DOCK8: variants seen among roughly 807,000 people sequenced by gnomAD.
The protein encoded by DOCK8 is dedicator of cytokinesis 8.
A neutral mutation model predicts 245.6 loss-of-function variants in DOCK8; 141 were observed. The ratio of observed to expected loss-of-function variants is 0.57; its 90% CI spans 0.50 to 0.66. The LOEUF is 0.66. Ranked by LOEUF, DOCK8 falls within the 30% of genes least tolerant of loss-of-function variation. DOCK8 has a pLI of 0.00. For synonymous variants in DOCK8, 1,168 were observed against 970.2 expected (o/e 1.20, Z -3.79); for missense variants, 2,965 against 2,603.4 (o/e 1.14, Z -3.02).
chr9:383,165 C>A (rs973860254), intron 22 of DOCK8, among the ~76,000 whole-genome samples: 1 of 151,554 alleles, frequency 6.6e-6, no homozygotes, highest in Middle Eastern at 3.2e-3. Context: ...TTTGGGAGGC[C>A]GAGGCGGGCG....
intron 1 of DOCK8, among the ~76,000 whole-genome samples, chr9:265,714 G>A (rs192130262): frequency 1.4e-4 from 21 of 152,294 alleles, no homozygotes; most frequent in Admixed American, 9.8e-4. Context: ...TCAAAAGCCA[G>A]GGAGAAGCCT....
At chr9:311,842 G>A in intron 5 of DOCK8, 112 bp from the exon 6 acceptor site, 1 of 1,329,694 alleles carries the variant, frequency 7.5e-7, no homozygotes, top group Non-Finnish European at 1.1e-6. Flanking sequence ...CTTGAGGCCT[G>A]GCTGAGATTC....
At chr9:229,487 G>A (rs547187338) in intron 1 of DOCK8, among the ~76,000 whole-genome samples, 14 of 152,304 alleles carry the variant, frequency 9.2e-5, no homozygotes, top group African/African-American at 3.4e-4. Context: ...ACTCCAGATT[G>A]CAGAGCTGTC....
chr9:408,713 T>G (rs1214349742), intron 28 of DOCK8, among the ~76,000 whole-genome samples: 2 of 152,230 alleles, frequency 1.3e-5, no homozygotes, highest in African/African-American at 4.8e-5. Flanking sequence ...GTAGTTTCTA[T>G]TTTCTATTTT....
intron 1 of DOCK8, among the ~76,000 whole-genome samples, chr9:240,653 C>G (rs1337607467): frequency 6.6e-6 from 1 of 152,024 alleles, no homozygotes; most frequent in East Asian, 1.9e-4. Flanking sequence ...CTATTATATT[C>G]CCTTATTATT....
intron 2 of DOCK8, among the ~76,000 whole-genome samples, chr9:275,533 T>C (rs2048309996): frequency 6.6e-6 from 1 of 152,206 alleles, no homozygotes; most frequent in South Asian, 2.1e-4. Flanking sequence ...CTGGGGACTT[T>C]AACTTGAAGC....
chr9:222,234 G>T (rs1214750216), intron 1 of DOCK8, among the ~76,000 whole-genome samples: 2 of 151,930 alleles, frequency 1.3e-5, no homozygotes, highest in African/African-American at 4.8e-5. Context: ...CTACTCTCCA[G>T]CCTGGGCCAC....
intron 26 of DOCK8, among the ~76,000 whole-genome samples, chr9:403,894 A>C (rs13288935): frequency 0.44 from 28,870 of 65,702 alleles, 5,467 homozygotes; most frequent in East Asian, 0.5. Flanking sequence ...CTCTCTCTCT[A>C]TATATATATA....
chr9:257,346 AG>A (rs2047801994), intron 1 of DOCK8, among the ~76,000 whole-genome samples: 1 of 152,166 alleles, frequency 6.6e-6, no homozygotes, highest in African/African-American at 2.4e-5. Context: ...AGTTAGACTG[AG>A]GGAGGGTGAT....
chr9:399,200 C>T lies in DOCK8; in HGVS notation c.3175C>T (p.Leu1059Phe), dbSNP rs2054616226. Residue 1059 changes from leucine to phenylalanine, a missense_variant, in exon 26 of 48, where the codon CTT (leucine) becomes TTT (phenylalanine). Transcript: ENST00000432829. ...NISLAFFLYD[L>F]LSLMDRGFVF... ...CAGCCTGGCTTTCTTCTTGTATGAC[C>T]TTCTCTCCCTCATGGATCGGGGCTT... 1.9e-6 allele frequency: 3 copies of T among 1,613,972 alleles called. No individual in the cohort carries two copies. The highest frequency in any genetic ancestry group is 8.5e-7 in the Non-Finnish European group (1 of 1,180,006).
At chr9:314,640 T>C (rs2050268506) in intron 6 of DOCK8, among the ~76,000 whole-genome samples, 1 of 152,182 alleles carries the variant, frequency 6.6e-6, no homozygotes, top group South Asian at 2.1e-4. Context: ...CTAAAATGCT[T>C]GAGGGCCTCT....
intron 45 of DOCK8, among the ~76,000 whole-genome samples, chr9:450,751 C>G (rs547976949): frequency 3.3e-5 from 5 of 151,836 alleles, no homozygotes; most frequent in Admixed American, 2.6e-4. Context: ...AAACGTTTGC[C>G]TTTGTAAGTG....
intron 1 of DOCK8, among the ~76,000 whole-genome samples, chr9:264,148 G>A (rs1396109609): frequency 1.3e-5 from 2 of 152,172 alleles, no homozygotes; most frequent in African/African-American, 2.4e-5. Flanking sequence ...ATGGTTACAG[G>A]TGTTCTTTTA....
At chr9:231,099 C>T (rs927924213) in intron 1 of DOCK8, among the ~76,000 whole-genome samples, 2 of 152,248 alleles carry the variant, frequency 1.3e-5, no homozygotes, top group South Asian at 2.1e-4. Context: ...GGAAGGGATC[C>T]AGTTTCAGCT....
intron 9 of DOCK8, among the ~76,000 whole-genome samples, chr9:330,847 A>G (rs182136676): frequency 6.6e-6 from 1 of 152,326 alleles, no homozygotes; most frequent in East Asian, 1.9e-4. Flanking sequence ...ATAGGTTCTC[A>G]TGTCGGTCTG....
intron 45 of DOCK8, among the ~76,000 whole-genome samples, chr9:451,157 A>G (rs1406975653): frequency 2.0e-5 from 3 of 151,564 alleles, no homozygotes; most frequent in East Asian, 1.9e-4. Flanking sequence ...TGCTAAAAAT[A>G]CAAAAATTAG....
chr9:459,270 T>G (rs931682210), intron 46 of DOCK8, among the ~76,000 whole-genome samples: 3 of 152,176 alleles, frequency 2.0e-5, no homozygotes, highest in African/African-American at 7.2e-5. Flanking sequence ...ATTTCAATTT[T>G]AATCAAATAA....
In DOCK8 at chr9:340,332, C is replaced by G; in HGVS notation, c.1679+11C>G. The G allele has an allele frequency of 6.2e-7, 1 of 1,613,940 alleles. No homozygotes were observed. The highest frequency in any genetic ancestry group is 1.1e-5 in the South Asian group (1 of 91,080). ...TCACACTGTGTACAGGTAAGAAACA[C>G]AGGCTCGGGCTGGGCGTGGTGGCTT... On this transcript the variant is annotated intron_variant, in intron 14 of 47. Coordinates refer to ENST00000432829, the MANE Select transcript of DOCK8 (RefSeq NM_203447.4).
intron 43 of DOCK8, among the ~76,000 whole-genome samples, chr9:446,054 T>C (rs2057244966): frequency 6.6e-6 from 1 of 152,230 alleles, no homozygotes; most frequent in Admixed American, 6.5e-5. Flanking sequence ...GGAAAGTTTG[T>C]CTCTTTGGAA....
Sources: allele counts gnomAD v4.1 joint callset (sites outside exome capture counted in the v4.1 genomes callset), GRCh38; gene constraint gnomAD v4.1.1; transcripts MANE v1.5; gene names NCBI Gene and HGNC (gene_info 2026-07-23, HGNC 2026-07-21).